Variants in VAV3 observed in about 807,000 individuals in gnomAD.
VAV3 encodes vav guanine nucleotide exchange factor 3, also known as guanine nucleotide exchange factor VAV3.
In VAV3, 94 loss-of-function variants were observed where a neutral mutation model predicts 131.2. The observed-to-expected ratio is 0.72, with a 90% CI of 0.61 to 0.85. VAV3 has a LOEUF of 0.85. Ranked by LOEUF, VAV3 falls within the 40% of genes least tolerant of loss-of-function variation. The pLI, the probability that VAV3 is intolerant of heterozygous loss-of-function variation, is 0.00. For synonymous variants in VAV3, 349 were observed against 342.0 expected, an observed-to-expected ratio of 1.02 and a Z score of -0.22; for missense variants, 939 against 1,002.7, an observed-to-expected ratio of 0.94 and a Z score of 0.86.
intron 19 of VAV3, among the ~76,000 whole-genome samples, chr1:107,656,661 T>G (rs527933220): frequency 1.3e-5 from 2 of 152,262 alleles, no homozygotes; most frequent in East Asian, 3.9e-4. Context: ...GATATCCCAA[T>G]GAACCCTGAT....
Position 107,900,609 on chromosome 1 carries a change from C to T in VAV3, c.205-25592G>A, listed in dbSNP as rs575736232. Among the ~76,000 whole-genome samples, 5 of 152,302 alleles carry T rather than the reference C, an allele frequency of 3.3e-5. No homozygotes were observed. In the South Asian group the frequency reaches 1.0e-3, roughly 32 times the overall value. On this transcript the variant is annotated intron_variant, in intron 1 of 26. Transcript: ENST00000370056. ...CATGTTGATAAGTGCAGTCCATTTA[C>T]AGAGGGATCACTGCCTGTAAACCAC...
At chr1:107,652,740 A>C (rs1656268145) in intron 19 of VAV3, among the ~76,000 whole-genome samples, 1 of 152,170 alleles carries the variant, frequency 6.6e-6, no homozygotes, top group African/African-American at 2.4e-5. Context: ...ACAAACTGCC[A>C]CTTGATCATT....
intron 1 of VAV3, among the ~76,000 whole-genome samples, chr1:107,876,198 G>A (rs72689614): frequency 0.067 from 10,247 of 152,120 alleles, 470 homozygotes; most frequent in East Asian, 0.21. Flanking sequence ...TGCTGCAGAC[G>A]GCCAAATAGG....
chr1:107,936,735 A>G (rs1169897272), intron 1 of VAV3, among the ~76,000 whole-genome samples: 1 of 152,192 alleles, frequency 6.6e-6, no homozygotes, highest in Non-Finnish European at 1.5e-5. Flanking sequence ...GGCTGCTGAC[A>G]TTGCCAAAGA....
At chr1:107,869,072 AAG>A (rs1357092248) in intron 2 of VAV3, among the ~76,000 whole-genome samples, 1 of 152,088 alleles carries the variant, frequency 6.6e-6, no homozygotes, top group Non-Finnish European at 1.5e-5. Flanking sequence ...CTGTATCAGG[AAG>A]AGAGAAAAAT....
chr1:107,736,893 C>T (rs1231938247), intron 15 of VAV3, among the ~76,000 whole-genome samples: 3 of 152,158 alleles, frequency 2.0e-5, no homozygotes, highest in Non-Finnish European at 4.4e-5. Flanking sequence ...GCCCGCATTG[C>T]CAAGACAATC....
intron 1 of VAV3, among the ~76,000 whole-genome samples, chr1:107,901,808 C>G (rs1434455064): frequency 2.0e-5 from 3 of 151,976 alleles, no homozygotes; most frequent in Non-Finnish European, 2.9e-5. Flanking sequence ...TTTGGGAGGC[C>G]AAGGCGGGTG....
intron 24 of VAV3, among the ~76,000 whole-genome samples, chr1:107,599,086 C>T (rs1029500201): frequency 6.6e-6 from 1 of 152,044 alleles, no homozygotes; most frequent in African/African-American, 2.4e-5. Flanking sequence ...ATTTAATACT[C>T]GCCCACCCCC....
intron 1 of VAV3, among the ~76,000 whole-genome samples, chr1:107,930,177 A>G (rs187003779): frequency 1.1e-4 from 17 of 152,322 alleles, no homozygotes; most frequent in Admixed American, 1.3e-4. Context: ...CTAAAAGAGT[A>G]TAACTGGATT....
intron 17 of VAV3, among the ~76,000 whole-genome samples, chr1:107,696,831 C>G (rs1659776225): frequency 6.6e-6 from 1 of 152,132 alleles, no homozygotes; most frequent in African/African-American, 2.4e-5. Flanking sequence ...AGTCTCCATC[C>G]CCTGGATATA....
rs553660123 is a variant in VAV3, at chr1:107,700,220, C to G, written c.1705+4330G>C. ...ATTGAACATTGTTTCATGGTCTATG[C>G]AGTCAACTTTCAACTTCCTTATGGC... On this transcript the variant is annotated intron_variant, in intron 17 of 26. Transcript: ENST00000370056. 2.0e-5 allele frequency among the ~76,000 whole-genome samples: 3 copies of G among 152,284 alleles called. No homozygotes were observed. The East Asian group carries it at 5.8e-4, about 29-fold the overall frequency.
At chr1:107,607,385 T>C (rs1001862216) in intron 22 of VAV3, among the ~76,000 whole-genome samples, 4 of 152,086 alleles carry the variant, frequency 2.6e-5, no homozygotes, top group African/African-American at 9.7e-5. Context: ...CAAGACAGGG[T>C]AGTATGTGTA....
intron 2 of VAV3, among the ~76,000 whole-genome samples, chr1:107,810,731 G>A (rs1667277604): frequency 1.3e-5 from 2 of 151,956 alleles, no homozygotes; most frequent in South Asian, 4.2e-4. Flanking sequence ...TCATGTTACA[G>A]CAAGGCTCCA....
chr1:107,725,138 G>A (rs1232925389), intron 15 of VAV3, among the ~76,000 whole-genome samples: 1 of 152,174 alleles, frequency 6.6e-6, no homozygotes, highest in African/African-American at 2.4e-5. Flanking sequence ...ATGGAGAGGG[G>A]CATGTCGGTT....
intron 1 of VAV3, among the ~76,000 whole-genome samples, chr1:107,951,614 A>G (rs1218913214): frequency 6.6e-6 from 1 of 152,208 alleles, no homozygotes; most frequent in Non-Finnish European, 1.5e-5. Context: ...AGGAACTTAA[A>G]CAAATGTACA....
intron 17 of VAV3, among the ~76,000 whole-genome samples, chr1:107,701,584 T>C (rs959540887): frequency 6.6e-6 from 1 of 152,222 alleles, no homozygotes; most frequent in African/African-American, 2.4e-5. Flanking sequence ...TGCAAACTTC[T>C]GCAGCAAGCT....
Position 107,635,754 on chromosome 1 carries a change from T to C in VAV3, c.1914+6865A>G, listed in dbSNP as rs1003660575. On this transcript the variant is annotated intron_variant, in intron 20 of 26. Transcript: ENST00000370056. The stretch of plus-strand genomic sequence containing the variant: ...ACCATCCCAATATCCCTAAGGTGCA[T>C]GAAGTTTAGGAAGGCAGCATGAGCT... Among the ~76,000 whole-genome samples the C allele has an allele frequency of 2.6e-5, 4 of 152,160 alleles. 1 individual carries two copies. The highest frequency in any genetic ancestry group is 1.3e-4 in the Admixed American group (2 of 15,270).
rs1671269393 is a variant in VAV3, at chr1:107,890,669, CTTCT to C, written c.205-15656_205-15653del. ...CCACAACCAGACACCTTTAGTCTGCCTTCTTTGAGTCATATGTTCACAGTGAAAT... is the reference window on the plus strand; with the variant it reads ...CCACAACCAGACACCTTTAGTCTGCCTTGAGTCATATGTTCACAGTGAAAT... On this transcript the variant is annotated intron_variant, in intron 1 of 26. Coordinates refer to ENST00000370056, the MANE Select transcript of VAV3 (RefSeq NM_006113.5). 2.6e-5 allele frequency among the ~76,000 whole-genome samples: 4 copies of C among 152,324 alleles called. No individual in the cohort carries two copies. In the South Asian group the frequency reaches 8.3e-4, roughly 32 times the overall value.
In VAV3 at chr1:107,886,662, T is replaced by TA. The variant is rs1216293181; in HGVS notation, c.205-11646dup. On this transcript the variant is annotated intron_variant, in intron 1 of 26. Transcript: ENST00000370056. ...ATAGCTTTCCTCTTCTTATGAATCT[T>TA]ATTCATCTAGGTTTGTACAAACTTG... Among the ~76,000 whole-genome samples, 58 of 152,196 alleles carry TA rather than the reference T, an allele frequency of 3.8e-4. 1 individual carries two copies. Among genetic ancestry groups the TA allele is most frequent in the Non-Finnish European group, 1.5e-4 (10 of 68,038 alleles).
Sources: gnomAD v4.1 joint callset for allele counts (sites outside exome capture counted in the v4.1 genomes callset) on GRCh38, gnomAD v4.1.1 for gene constraint, MANE v1.5 for transcripts, NCBI Gene and HGNC (gene_info 2026-07-23, HGNC 2026-07-21) for gene names.